The following CASR variants were observed in gnomAD, a reference collection of about 807,000 sequenced individuals.
CASR encodes extracellular calcium-sensing receptor.
Under a neutral mutation model 69.1 loss-of-function variants are expected in CASR, and 23 were observed. That is an observed-to-expected ratio of 0.33 (90% CI 0.24 to 0.47). The LOEUF is 0.47. Ranked by LOEUF, CASR falls within the 20% of genes least tolerant of loss-of-function variation. The pLI, the probability that CASR is intolerant of heterozygous loss-of-function variation, is 1.00. For synonymous variants in CASR, 541 were observed against 544.7 expected (o/e 0.99, Z 0.10); for missense variants, 924 against 1,356.1 (o/e 0.68, Z 5.00).
intron 4 of CASR, among the ~76,000 whole-genome samples, chr3:122,273,658 A>T (rs2074783750): frequency 6.6e-6 from 1 of 152,212 alleles, no homozygotes; most frequent in South Asian, 2.1e-4. Context: ...AGCACATTTC[A>T]TCTGAGTCAT....
intron 1 of CASR, among the ~76,000 whole-genome samples, chr3:122,231,418 A>G (rs183551479): frequency 5.9e-4 from 90 of 152,338 alleles, no homozygotes; most frequent in Middle Eastern, 3.4e-3. Flanking sequence ...CGAAGAGCTA[A>G]TGTTTTTTGA....
At chr3:122,197,231 C>T (rs1405245707) in intron 1 of CASR, among the ~76,000 whole-genome samples, 1 of 152,170 alleles carries the variant, frequency 6.6e-6, no homozygotes, top group Non-Finnish European at 1.5e-5. Flanking sequence ...GAAATATTGG[C>T]ACAAAACTGA....
At chr3:122,238,530 G>C (rs888126065) in intron 1 of CASR, among the ~76,000 whole-genome samples, 2 of 152,172 alleles carry the variant, frequency 1.3e-5, no homozygotes, top group African/African-American at 4.8e-5. Flanking sequence ...CTAGTGCTGG[G>C]CTAGGCTTAA....
At chr3:122,217,368 T>A (rs1334631080) in intron 1 of CASR, among the ~76,000 whole-genome samples, 1 of 152,170 alleles carries the variant, frequency 6.6e-6, no homozygotes, top group Non-Finnish European at 1.5e-5. Flanking sequence ...CCCACGGTGC[T>A]GGGATTACAG....
intron 1 of CASR, among the ~76,000 whole-genome samples, chr3:122,186,235 A>G (rs2073782005): frequency 6.6e-6 from 1 of 152,160 alleles, no homozygotes; most frequent in African/African-American, 2.4e-5. Flanking sequence ...ATCTTTTCAT[A>G]TTGCATAACC....
rs201869423 is a variant in CASR at position 122,254,384 on chromosome 3, G to A, written c.185+10G>A. The stretch of plus-strand genomic sequence containing the variant: ...CTGTGGAATGTATCAGGTAAGAAGA[G>A]GGGCCTAATCTGCCAATCTCTTCTC... On this transcript the variant is annotated intron_variant, in intron 2 of 6. Coordinates refer to ENST00000639785, the MANE Select transcript of CASR (RefSeq NM_000388.4). 7.4e-6 allele frequency: 12 copies of A among 1,613,454 alleles called. No individual in the cohort carries two copies. The highest frequency in any genetic ancestry group is 4.5e-5 in the East Asian group (2 of 44,884).
chr3:122,184,324 A>AG (rs996068254), intron 1 of CASR: 4 of 153,122 alleles, frequency 2.6e-5, no homozygotes, highest in African/African-American at 9.6e-5. Context: ...GGCCGCCCAG[A>AG]GGGTCTGCGG....
intron 1 of CASR, among the ~76,000 whole-genome samples, chr3:122,235,559 T>C (rs1435549191): frequency 2.0e-5 from 3 of 152,236 alleles, no homozygotes; most frequent in Admixed American, 6.5e-5. Flanking sequence ...CATTTTTGTT[T>C]GGCTGTGTTA....
At chr3:122,200,586 G>T (rs1000498262) in intron 1 of CASR, among the ~76,000 whole-genome samples, 13 of 152,214 alleles carry the variant, frequency 8.5e-5, no homozygotes, top group Admixed American at 7.2e-4. Context: ...CATTTTTACT[G>T]CTGTTTAGAA....
At chr3:122,242,945 T>A (rs1360910196) in intron 1 of CASR, among the ~76,000 whole-genome samples, 1 of 152,162 alleles carries the variant, frequency 6.6e-6, no homozygotes, top group Non-Finnish European at 1.5e-5. Context: ...CTTCAATAAA[T>A]GGTGCTGAGA....
At chr3:122,271,356 A>G (rs2074755252) in intron 4 of CASR, among the ~76,000 whole-genome samples, 1 of 152,206 alleles carries the variant, frequency 6.6e-6, no homozygotes, top group East Asian at 1.9e-4. Flanking sequence ...CAAAGATTCC[A>G]GAGTGCTTCC....
intron 1 of CASR, among the ~76,000 whole-genome samples, chr3:122,251,344 C>T (rs1168377398): frequency 6.6e-6 from 1 of 152,196 alleles, no homozygotes; most frequent in Non-Finnish European, 1.5e-5. Flanking sequence ...CCTCCCCTCA[C>T]CTAAGGGTTC....
At chr3:122,231,712 A>G (rs2074280030) in intron 1 of CASR, among the ~76,000 whole-genome samples, 1 of 151,730 alleles carries the variant, frequency 6.6e-6, no homozygotes, top group Non-Finnish European at 1.5e-5. Flanking sequence ...AGCAGCCACA[A>G]TTTTCATCAG....
rs1251412281 is a variant in CASR, at chr3:122,286,155, GCT to G, written c.*965_*966del. The G allele has an allele frequency of 6.6e-6, 1 of 152,450 alleles. No individual in the cohort carries two copies. The highest frequency in any genetic ancestry group is 1.5e-5 in the Non-Finnish European group (1 of 68,034). 9.4% of individuals were successfully genotyped at this position (152,450 alleles called of 1,614,324 possible). ...GTTCTCAATTATTGGCCTGCTAATA[GCT>G]GCTAGGGTAGGAAAGCGTGGTTCCA... On this transcript the variant is annotated 3_prime_UTR_variant, in exon 7 of 7. Coordinates refer to ENST00000639785, the MANE Select transcript of CASR (RefSeq NM_000388.4).
rs1388452100 is a variant in CASR at position 122,290,370 on chromosome 3, G to C, written c.*5179G>C. 6.6e-6 allele frequency: 1 copy of C among 152,174 alleles called. No homozygotes were observed. Among genetic ancestry groups the C allele is most frequent in the Non-Finnish European group, 1.5e-5 (1 of 68,036 alleles). 9.4% of individuals were successfully genotyped at this position (152,174 alleles called of 1,614,324 possible). On this transcript the variant is annotated 3_prime_UTR_variant, in exon 7 of 7. Transcript: ENST00000639785. ...CATCAGGAAATGTTTTTGGAAGAAT[G>C]TGATTGTCTTCGTTGATATCAACCC...
intron 5 of CASR, among the ~76,000 whole-genome samples, chr3:122,278,813 T>G (rs2074852771): frequency 6.6e-6 from 1 of 152,226 alleles, no homozygotes; most frequent in African/African-American, 2.4e-5. Flanking sequence ...AGCCATTGTG[T>G]GACCTTCAGC....
At chr3:122,207,989 G>A (rs1175475778) in intron 1 of CASR, among the ~76,000 whole-genome samples, 1 of 151,758 alleles carries the variant, frequency 6.6e-6, no homozygotes, top group Admixed American at 6.6e-5. Flanking sequence ...CTCCCTTTAG[G>A]TCTAATAATA....
intron 3 of CASR, chr3:122,257,628 G>T: frequency 7.0e-6 from 3 of 426,042 alleles, no homozygotes; most frequent in South Asian, 5.0e-5. Flanking sequence ...ATAAAACTGT[G>T]TCTTTTTTTA....
Position 122,212,441 on chromosome 3 carries a change from G to A in CASR, c.-243+28629G>A, listed in dbSNP as rs567651933. On this transcript the variant is annotated intron_variant, in intron 1 of 6. Transcript: ENST00000639785. ...GTCAGGGAGCACATCAGGATAAATAGCTAATGCATGCTGGGCTTAATACCT... is the reference window on the plus strand; with the variant it reads ...GTCAGGGAGCACATCAGGATAAATAACTAATGCATGCTGGGCTTAATACCT... Among the ~76,000 whole-genome samples the A allele has an allele frequency of 3.9e-5, 6 of 152,310 alleles. No homozygotes were observed. In the East Asian group the frequency reaches 9.6e-4, roughly 24 times the overall value.
Sources: gnomAD v4.1 joint callset for allele counts (sites outside exome capture counted in the v4.1 genomes callset) on GRCh38, gnomAD v4.1.1 for gene constraint, MANE v1.5 for transcripts, NCBI Gene and HGNC (gene_info 2026-07-23, HGNC 2026-07-21) for gene names.